NAV3: variants seen among roughly 807,000 people sequenced by gnomAD.
NAV3 encodes the protein neuron navigator 3, also known as pore membrane and/or filament interacting like protein 1.
In NAV3, 87 loss-of-function variants were observed where a neutral mutation model predicts 244.7. The observed-to-expected ratio is 0.36, with a 90% confidence interval of 0.30 to 0.42. NAV3 has a LOEUF of 0.42. Ranked by LOEUF, NAV3 falls within the 20% of genes least tolerant of loss-of-function variation. The pLI is 1.00. For synonymous variants in NAV3, 1,126 were observed against 1,042.2 expected, an observed-to-expected ratio of 1.08 and a Z score of -1.55; for missense variants, 2,663 against 2,893.3, an observed-to-expected ratio of 0.92 and a Z score of 1.83.
intron 2 of NAV3, among the ~76,000 whole-genome samples, chr12:77,730,121 C>T (rs1049591202): frequency 6.6e-6 from 1 of 151,944 alleles, no homozygotes; most frequent in South Asian, 2.1e-4. Context: ...ACTTTTTAAG[C>T]CTCACTTTAA....
At chr12:77,675,458 G>C (rs1772269946) in intron 2 of NAV3, among the ~76,000 whole-genome samples, 1 of 152,162 alleles carries the variant, frequency 6.6e-6, no homozygotes, top group Non-Finnish European at 1.5e-5. Flanking sequence ...AGCAAGGATA[G>C]TCTCTCTTAC....
At chr12:77,652,972 G>C (rs533982399) in intron 2 of NAV3, among the ~76,000 whole-genome samples, 108 of 152,312 alleles carry the variant, frequency 7.1e-4, no homozygotes, top group Middle Eastern at 3.4e-3. Flanking sequence ...TTTTCAAAGT[G>C]TGTTCAATGG....
At chr12:77,742,296 T>A (rs12308630) in intron 2 of NAV3, among the ~76,000 whole-genome samples, 2,910 of 152,200 alleles carry the variant, frequency 0.019, 107 homozygotes, top group African/African-American at 0.066. Context: ...TTCCTTGCAG[T>A]CCTTCCTCAC....
intron 2 of NAV3, among the ~76,000 whole-genome samples, chr12:77,756,304 G>C (rs1869175278): frequency 6.6e-6 from 1 of 152,124 alleles, no homozygotes; most frequent in African/African-American, 2.4e-5. Flanking sequence ...TTAGCCTATG[G>C]CTCAGATGGC....
At chr12:77,852,562 A>C (rs35913546) in intron 1 of NAV3, among the ~76,000 whole-genome samples, 104,690 of 151,620 alleles carry the variant, frequency 0.69, 39,004 homozygotes, top group East Asian at 0.86. Context: ...TAAATAAATA[A>C]ATAAATAAAT....
At chr12:77,791,754 C>A (rs141793936) in intron 2 of NAV3, among the ~76,000 whole-genome samples, 3 of 152,190 alleles carry the variant, frequency 2.0e-5, no homozygotes, top group Non-Finnish European at 4.4e-5. Flanking sequence ...AATATAGTTA[C>A]GCCTATGATG....
intron 2 of NAV3, among the ~76,000 whole-genome samples, chr12:77,659,753 A>G (rs896452060): frequency 1.7e-4 from 26 of 152,310 alleles, no homozygotes; most frequent in African/African-American, 6.3e-4. Context: ...AATGTGGCAC[A>G]TATACACCAT....
intron 2 of NAV3, among the ~76,000 whole-genome samples, chr12:77,819,132 G>A (rs954489749): frequency 1.3e-5 from 2 of 151,952 alleles, no homozygotes; most frequent in Non-Finnish European, 2.9e-5. Context: ...GAAACTGCTG[G>A]ATTTTAAATC....
At chr12:77,685,524 A>G (rs711140) in intron 2 of NAV3, among the ~76,000 whole-genome samples, 131,648 of 149,908 alleles carry the variant, frequency 0.88, 58,200 homozygotes, top group East Asian at 1. Context: ...CACGCACACC[A>G]TTGGTTTTAT....
In NAV3 at chr12:78,188,626, T is replaced by G; in HGVS notation, c.5904T>G (p.Ile1968Met). ...CATTGTAGGAATATGTATTCCGAATTGATACATCCACTAGCCTTGGTCTGA... is the reference window on the plus strand; with the variant it reads ...CATTGTAGGAATATGTATTCCGAATGGATACATCCACTAGCCTTGGTCTGA... Reference protein sequence around the residue: ...RRLFKEYVFRIDTSTSLGLSS... With the variant: ...RRLFKEYVFRMDTSTSLGLSS... Residue 1968 changes from isoleucine to methionine, a missense_variant, in exon 33 of 40, where the codon ATT becomes ATG. Physicochemically the swap from Ile to Met is conservative, Grantham distance 10. Coordinates refer to ENST00000397909, the MANE Select transcript of NAV3 (RefSeq NM_001024383.2). The G allele has an allele frequency of 6.2e-7, 1 of 1,611,060 alleles. No homozygotes were observed. Among genetic ancestry groups the G allele is most frequent in the Non-Finnish European group, 8.5e-7 (1 of 1,178,504 alleles).
At chr12:78,130,974 A>T in intron 18 of NAV3, 1 of 163,250 alleles carries the variant, frequency 6.1e-6, no homozygotes, top group Middle Eastern at 1.1e-3. Context: ...GACCACATCC[A>T]CACAGAGAAG....
chr12:77,684,737 T>C (rs866189327), intron 2 of NAV3, among the ~76,000 whole-genome samples: 10 of 152,304 alleles, frequency 6.6e-5, no homozygotes, highest in African/African-American at 2.4e-4. Flanking sequence ...AAAAATCTTA[T>C]ATAACTCATT....
intron 12 of NAV3, among the ~76,000 whole-genome samples, chr12:78,101,020 C>T (rs980970765): frequency 6.6e-6 from 1 of 152,120 alleles, no homozygotes; most frequent in Admixed American, 6.5e-5. Flanking sequence ...TCACTTCATT[C>T]CCTTGGTTTT....
chr12:78,206,645 A>G (rs1292208111), intron 39 of NAV3, among the ~76,000 whole-genome samples: 1 of 152,060 alleles, frequency 6.6e-6, no homozygotes, highest in African/African-American at 2.4e-5. Context: ...TAGAGGAAAC[A>G]AATTCAAGGT....
At chr12:77,958,187 T>C (rs1484152804) in intron 3 of NAV3, among the ~76,000 whole-genome samples, 1 of 152,186 alleles carries the variant, frequency 6.6e-6, no homozygotes, top group Admixed American at 6.6e-5. Flanking sequence ...TCAGTATAAA[T>C]ATACAGCTAT....
At chr12:78,125,321 C>T (rs906027634) in intron 16 of NAV3, among the ~76,000 whole-genome samples, 4 of 152,080 alleles carry the variant, frequency 2.6e-5, no homozygotes, top group East Asian at 1.9e-4. Flanking sequence ...ATATTTAAAT[C>T]GGTAGCTTTT....
chr12:77,715,840 A>G (rs560231092), intron 2 of NAV3, among the ~76,000 whole-genome samples: 1 of 152,144 alleles, frequency 6.6e-6, no homozygotes, highest in Admixed American at 6.5e-5. Flanking sequence ...GTAGCTTTCA[A>G]TCATTGATGC....
Position 77,911,080 on chromosome 12 carries a change from A to G in NAV3, c.244-29239A>G, listed in dbSNP as rs138521912. Among the ~76,000 whole-genome samples the G allele has an allele frequency of 1.3e-3, 198 of 152,194 alleles. 2 individuals carry two copies. The highest frequency in any genetic ancestry group is 4.6e-3 in the African/African-American group (190 of 41,558). Reference sequence around the variant, plus strand: ...GGGAAGTACTGTGTTTACTATAGAGATCGTGTATGAATGGAAGAATGAATA... The same window carrying G: ...GGGAAGTACTGTGTTTACTATAGAGGTCGTGTATGAATGGAAGAATGAATA... On this transcript the variant is annotated intron_variant, in intron 1 of 39. Coordinates refer to ENST00000397909, the MANE Select transcript of NAV3 (RefSeq NM_001024383.2).
intron 3 of NAV3, among the ~76,000 whole-genome samples, chr12:77,964,762 TA>T (rs1892362744): frequency 6.6e-6 from 1 of 152,154 alleles, no homozygotes; most frequent in East Asian, 1.9e-4. Context: ...TTCATTAGAA[TA>T]ATTTCAGTAA....
Sources: allele counts gnomAD v4.1 joint callset (sites outside exome capture counted in the v4.1 genomes callset), GRCh38; gene constraint gnomAD v4.1.1; transcripts MANE v1.5; gene names NCBI Gene and HGNC (gene_info 2026-07-23, HGNC 2026-07-21).